Variants in ESR1 observed in about 807,000 individuals in gnomAD.
The protein encoded by ESR1 is estrogen receptor 1, also known as estrogen receptor.
In ESR1, 12 loss-of-function variants were observed where a neutral mutation model predicts 52.7. That is an observed-to-expected ratio of 0.23 (90% CI 0.15 to 0.37). The LOEUF (loss-of-function observed/expected upper bound fraction) is 0.37. Ranked by LOEUF, ESR1 falls within the 10% of genes least tolerant of loss-of-function variation. The probability of loss-of-function intolerance (pLI) is 1.00; values close to 1 mark genes in which losing one functional copy is unlikely to be tolerated. For synonymous variants in ESR1, 305 were observed against 316.8 expected (o/e 0.96, Z 0.39); for missense variants, 584 against 779.7 (o/e 0.75, Z 2.99).
intron 1 of ESR1, among the ~76,000 whole-genome samples, chr6:151,820,848 T>C (rs1780444487): frequency 6.6e-6 from 1 of 152,208 alleles, no homozygotes; most frequent in African/African-American, 2.4e-5. Context: ...AGCCAATAAA[T>C]GAAATTCTAC....
At chr6:151,997,214 G>T (rs1467152467) in intron 4 of ESR1, among the ~76,000 whole-genome samples, 1 of 152,018 alleles carries the variant, frequency 6.6e-6, no homozygotes, top group Non-Finnish European at 1.5e-5. Flanking sequence ...GTCAGTATTG[G>T]CATATGTCTG....
intron 1 of ESR1, 116 bp downstream of exon 1, chr6:151,808,480 G>T: frequency 1.0e-6 from 1 of 955,866 alleles, no homozygotes; most frequent in Non-Finnish European, 1.4e-6. Flanking sequence ...CGCGCGACCC[G>T]AGGGTGCGCG....
intron 2 of ESR1, among the ~76,000 whole-genome samples, chr6:151,851,630 C>T (rs1353747815): frequency 6.6e-6 from 1 of 151,302 alleles, no homozygotes; most frequent in Non-Finnish European, 1.5e-5. Context: ...TGGGTTCAAG[C>T]AATTCTCCTG....
At chr6:152,034,720 G>T (rs545246377) in intron 5 of ESR1, among the ~76,000 whole-genome samples, 14 of 152,152 alleles carry the variant, frequency 9.2e-5, no homozygotes, top group African/African-American at 3.1e-4. Flanking sequence ...TCTGCTTTGT[G>T]GACAGAAGTG....
chr6:151,718,081 T>C (rs1487940646), intron 2 of ESR1, among the ~76,000 whole-genome samples: 1 of 152,326 alleles, frequency 6.6e-6, no homozygotes, highest in East Asian at 1.9e-4. Context: ...AATAAGTGAA[T>C]GAAAACATTG....
intron 2 of ESR1, among the ~76,000 whole-genome samples, chr6:151,787,401 A>T (rs930038251): frequency 6.6e-6 from 1 of 152,172 alleles, no homozygotes; most frequent in Non-Finnish European, 1.5e-5. Flanking sequence ...GTAGTTTGAT[A>T]GGAATAGCAT....
At chr6:151,916,317 G>A (rs1395710666) in intron 3 of ESR1, among the ~76,000 whole-genome samples, 4 of 152,148 alleles carry the variant, frequency 2.6e-5, no homozygotes, top group Non-Finnish European at 5.9e-5. Flanking sequence ...GTGGAATGTT[G>A]TCTTTTCTGA....
rs1197827078 is a variant in ESR1 at position 151,850,083 on chromosome 6, T to TA, written c.643+7297dup. Among the ~76,000 whole-genome samples the TA allele has an allele frequency of 4.5e-5, 6 of 133,490 alleles. 1 individual carries two copies. In the East Asian group the frequency reaches 1.0e-3, roughly 23 times the overall value. The allele number at this position is 133,490 out of a possible 152,430, so 87.6% of individuals were successfully genotyped here. On this transcript the variant is annotated intron_variant, in intron 2 of 7. Transcript: ENST00000206249. Reference sequence around the variant, plus strand: ...AATTTTATATATATATAAAAAATTATATATATATAATTTTATATATATATA... The same window carrying TA: ...AATTTTATATATATATAAAAAATTATAATATATATAATTTTATATATATATA...
chr6:151,988,795 A>G (rs1197934030), intron 4 of ESR1, among the ~76,000 whole-genome samples: 1 of 152,090 alleles, frequency 6.6e-6, no homozygotes, highest in Non-Finnish European at 1.5e-5. Context: ...ATATGAGTAT[A>G]TATTTGTATA....
At chr6:152,036,324 C>T (rs1163760373) in intron 5 of ESR1, among the ~76,000 whole-genome samples, 1 of 152,188 alleles carries the variant, frequency 6.6e-6, no homozygotes, top group Non-Finnish European at 1.5e-5. Context: ...CGTGCCACTG[C>T]ACTCCAGCCT....
At chr6:151,717,153 C>A (rs1781111929) in intron 2 of ESR1, among the ~76,000 whole-genome samples, 1 of 152,178 alleles carries the variant, frequency 6.6e-6, no homozygotes, top group South Asian at 2.1e-4. Context: ...GGCGATGCCC[C>A]ACCCTGCTTT....
intron 2 of ESR1, among the ~76,000 whole-genome samples, chr6:151,755,705 A>C (rs982154902): frequency 1.3e-5 from 2 of 150,740 alleles, no homozygotes; most frequent in African/African-American, 4.9e-5. Flanking sequence ...ATCTCTACTC[A>C]CTGCAACTTC....
chr6:151,726,538 G>A (rs536549680), intron 2 of ESR1, among the ~76,000 whole-genome samples: 3 of 152,030 alleles, frequency 2.0e-5, no homozygotes, highest in East Asian at 3.9e-4. Flanking sequence ...GGGTTTCACC[G>A]TATTAGCCAG....
intron 4 of ESR1, among the ~76,000 whole-genome samples, chr6:152,000,082 T>G (rs1173927217): frequency 5.3e-5 from 8 of 152,072 alleles, no homozygotes; most frequent in African/African-American, 1.9e-4. Flanking sequence ...TACCATTTAT[T>G]TGTTGACCAC....
At position 152,012,046 on chromosome 6, in the gene ESR1, ACT is replaced by A. The variant is rs1554307444; in HGVS notation, c.1235+254_1235+255del. ...CACACACACACACACACACACACAC[ACT>A]CACACTCTCTCTCTCTCTCTCTCTG... On this transcript the variant is annotated intron_variant, in intron 5 of 7. Transcript: ENST00000206249. Among the ~76,000 whole-genome samples the A allele has an allele frequency of 9.1e-4, 128 of 140,570 alleles. No individual in the cohort carries two copies. The South Asian group carries it at 0.014, about 15-fold the overall frequency. The allele number at this position is 140,570 out of a possible 152,430, so 92.2% of individuals were successfully genotyped here. A position where few individuals can be genotyped will look rare whatever the true frequency, so the allele number is the denominator to read the frequency against.
Position 152,038,527 on chromosome 6 carries a change from G to T in ESR1, c.1236-22464G>T, listed in dbSNP as rs528968738. On this transcript the variant is annotated intron_variant, in intron 5 of 7. Transcript: ENST00000206249. ...CAGACAATAATGTCATAATTACACTGAACATAATACAACTATCGTTCATAC... is the reference window on the plus strand; with the variant it reads ...CAGACAATAATGTCATAATTACACTTAACATAATACAACTATCGTTCATAC... 3.9e-5 allele frequency among the ~76,000 whole-genome samples: 6 copies of T among 152,120 alleles called. No homozygotes were observed. The East Asian group carries it at 1.2e-3, about 29-fold the overall frequency.
intron 1 of ESR1, among the ~76,000 whole-genome samples, chr6:151,813,672 A>G (rs1397385738): frequency 6.6e-6 from 1 of 152,202 alleles, no homozygotes; most frequent in Non-Finnish European, 1.5e-5. Context: ...TCTCCTCTGA[A>G]CTATTTAGAG....
At chr6:151,706,583 T>C (rs911093018) in intron 2 of ESR1, among the ~76,000 whole-genome samples, 1 of 152,144 alleles carries the variant, frequency 6.6e-6, no homozygotes, top group Non-Finnish European at 1.5e-5. Flanking sequence ...GTTCCTGGGA[T>C]AAGAGCAAAG....
At chr6:151,703,124 A>G (rs1779921977) in intron 2 of ESR1, among the ~76,000 whole-genome samples, 1 of 152,190 alleles carries the variant, frequency 6.6e-6, no homozygotes, top group Admixed American at 6.5e-5. Context: ...AATATTACTC[A>G]GCGTGGTAAT....
Sources: gnomAD v4.1 joint callset for allele counts (sites outside exome capture counted in the v4.1 genomes callset) on GRCh38, gnomAD v4.1.1 for gene constraint, MANE v1.5 for transcripts, NCBI Gene and HGNC (gene_info 2026-07-23, HGNC 2026-07-21) for gene names.